PXMP4: variants seen among roughly 807,000 people sequenced by gnomAD.
PXMP4 encodes 24 kDa peroxisomal intrinsic membrane protein.
In PXMP4, 16 loss-of-function variants were observed where a neutral mutation model predicts 21.6. That is an observed-to-expected ratio of 0.74 (90% CI 0.50 to 1.13). PXMP4 has a LOEUF of 1.13. Among genes scored for constraint, PXMP4 ranks in the 50% most tolerant of loss-of-function variants. The pLI, the probability that PXMP4 is intolerant of heterozygous loss-of-function variation, is 0.00. For missense variants in PXMP4, 240 were observed against 277.7 expected (o/e 0.86, Z 0.96); for synonymous variants, 127 against 123.8 (o/e 1.03, Z -0.17).
rs1306253630 is a variant in PXMP4, at chr20:33,707,248, A to C, written c.*458T>G. On this transcript the variant is annotated 3_prime_UTR_variant, in exon 4 of 4. Coordinates refer to ENST00000409299, the MANE Select transcript of PXMP4 (RefSeq NM_007238.5). The stretch of plus-strand genomic sequence containing the variant: ...TATGGCTCACGTGTTTCTATTGGAC[A>C]GTGGGAATCTAGAACTTCTCCAGTA... 6.4e-6 allele frequency: 1 copy of C among 157,404 alleles called. No individual in the cohort carries two copies. Among genetic ancestry groups the C allele is most frequent in the African/African-American group, 2.4e-5 (1 of 41,552 alleles). The allele number at this position is 157,404 out of a possible 1,614,324, so 9.8% of individuals were successfully genotyped here.
chr20:33,714,595 A>C, intron 2 of PXMP4, 79 bp downstream of exon 2: 28 of 1,384,226 alleles, frequency 2.0e-5, no homozygotes, highest in Non-Finnish European at 2.6e-5. Context: ...GGGACAGGGT[A>C]GACCCAGCTA....
At position 33,720,136 on chromosome 20, in the gene PXMP4, G is replaced by A. The variant is rs902539264; in HGVS notation, c.72C>T (p.His24=). The stretch of plus-strand genomic sequence containing the variant: ...AGCCCTTAAGCACGGCCAACGCAGC[G>A]TGGTAGCGGCGCTTGCGCAGCAGTG... ...VNALLRKRRY[H]AALAVLKGFR... Residue 24 remains histidine, a synonymous_variant, in exon 1 of 4, where the codon CAC becomes CAT. Transcript: ENST00000409299. 1.2e-6 allele frequency: 2 copies of A among 1,613,564 alleles called. No individual in the cohort carries two copies. Among genetic ancestry groups the A allele is most frequent in the African/African-American group, 1.3e-5 (1 of 74,948 alleles).
chr20:33,715,461 G>A (rs1439617019), intron 1 of PXMP4, among the ~76,000 whole-genome samples: 1 of 151,432 alleles, frequency 6.6e-6, no homozygotes, highest in Non-Finnish European at 1.5e-5. Flanking sequence ...GTCTCTCTCT[G>A]TAGCCCAGGC....
rs765611997 is a variant in PXMP4 at position 33,720,213 on chromosome 20, G to A, written c.-6C>T. ...AGCTGCGGCGGGGCTGCCATAGTGC[G>A]GGCTGCGCGCAGGGTCGGGGTTAGG... On this transcript the variant is annotated 5_prime_UTR_variant, in exon 1 of 4. Coordinates refer to ENST00000409299, the MANE Select transcript of PXMP4 (RefSeq NM_007238.5). 2.5e-6 allele frequency: 4 copies of A among 1,606,874 alleles called. No individual in the cohort carries two copies. In the Admixed American group the frequency reaches 5.0e-5, roughly 20 times the overall value.
chr20:33,720,178 C>CAGAG lies in PXMP4; in HGVS notation c.26_29dup (p.Leu11SerfsTer22), dbSNP rs1555867006. On this transcript the variant is annotated frameshift_variant, in exon 1 of 4. Coordinates refer to ENST00000409299, the MANE Select transcript of PXMP4 (RefSeq NM_007238.5). LOFTEE classifies it high-confidence loss of function. Reference sequence around the variant, plus strand: ...GCAGCAGTGCGTTGACGACTACGAGCAGAGCCCTTAGCTGCGGCGGGGCTG... The same window carrying CAGAG: ...GCAGCAGTGCGTTGACGACTACGAGCAGAGAGAGCCCTTAGCTGCGGCGGGGCTG... 3 of 1,613,232 alleles carry CAGAG rather than the reference C, an allele frequency of 1.9e-6. No individual in the cohort carries two copies. The highest frequency in any genetic ancestry group is 1.7e-6 in the Non-Finnish European group (2 of 1,179,838).
At position 33,706,190 on chromosome 20, in the gene PXMP4, T is replaced by A. The variant is rs1205088599; in HGVS notation, c.*1516A>T. 2.0e-5 allele frequency: 3 copies of A among 152,006 alleles called. No individual in the cohort carries two copies. Among genetic ancestry groups the A allele is most frequent in the Non-Finnish European group, 2.9e-5 (2 of 68,030 alleles). 9.4% of individuals were successfully genotyped at this position (152,006 alleles called of 1,614,324 possible). The stretch of plus-strand genomic sequence containing the variant: ...ATCTGCCTGCCTCAGCCTCCCAAAG[T>A]GCTGGGATTACAGGCGTGAGCCACT... On this transcript the variant is annotated 3_prime_UTR_variant, in exon 4 of 4. Transcript: ENST00000409299.
intron 1 of PXMP4, among the ~76,000 whole-genome samples, chr20:33,717,645 A>G (rs2018397564): frequency 6.8e-6 from 1 of 146,764 alleles, no homozygotes; most frequent in Non-Finnish European, 1.5e-5. Flanking sequence ...GTCTCAAAAA[A>G]AAAAAAAAAA....
rs184368592 is a variant in PXMP4, at chr20:33,703,387, T to C, written c.*4319A>G. ...AACGCCTACTTTATCAATGAGGAAA[T>C]AGAGGCACAGAATGGCTCAGTCACT... On this transcript the variant is annotated 3_prime_UTR_variant, in exon 4 of 4. Transcript: ENST00000409299. 6.6e-6 allele frequency: 1 copy of C among 152,366 alleles called. No homozygotes were observed. Among genetic ancestry groups the C allele is most frequent in the Non-Finnish European group, 1.5e-5 (1 of 68,044 alleles). 9.4% of individuals were successfully genotyped at this position (152,366 alleles called of 1,614,324 possible).
chr20:33,717,703 C>G (rs1204325753), intron 1 of PXMP4, among the ~76,000 whole-genome samples: 1 of 150,136 alleles, frequency 6.7e-6, no homozygotes. Context: ...ATAATTGCCT[C>G]TTTTTAAGAT....
At position 33,720,084 on chromosome 20, in the gene PXMP4, G is replaced by T. The variant is rs779201566; in HGVS notation, c.113+11C>A. The T allele has an allele frequency of 2.5e-6, 4 of 1,612,136 alleles. No homozygotes were observed. Among genetic ancestry groups the T allele is most frequent in the Non-Finnish European group, 3.4e-6 (4 of 1,178,716 alleles). Reference sequence around the variant, plus strand: ...CCCTCAGCCCCAGCCCGGCCCGACGGCCCCACTCACACAGCCCCGTTCCGG... The same window carrying T: ...CCCTCAGCCCCAGCCCGGCCCGACGTCCCCACTCACACAGCCCCGTTCCGG... On this transcript the variant is annotated intron_variant, in intron 1 of 3. Coordinates refer to ENST00000409299, the MANE Select transcript of PXMP4 (RefSeq NM_007238.5).
rs869175381 is a variant in PXMP4 at position 33,704,990 on chromosome 20, G to GTTTTTT, written c.*2710_*2715dup. 85 of 105,388 alleles carry GTTTTTT rather than the reference G, an allele frequency of 8.1e-4. No individual in the cohort carries two copies. The highest frequency in any genetic ancestry group is 9.7e-4 in the African/African-American group (24 of 24,746). 6.5% of individuals were successfully genotyped at this position (105,388 alleles called of 1,614,324 possible). A position where few individuals can be genotyped will look rare whatever the true frequency, so the allele number is the denominator to read the frequency against. ...ACTTGTTTGATTTGTCCAGGATTGT[G>GTTTTTT]TTTTTTTTTTTTTTTTTTTTTTTGA... On this transcript the variant is annotated 3_prime_UTR_variant, in exon 4 of 4. Transcript: ENST00000409299.
At chr20:33,708,198 T>C (rs1318406092) in intron 3 of PXMP4, among the ~76,000 whole-genome samples, 2 of 151,552 alleles carry the variant, frequency 1.3e-5, no homozygotes, top group African/African-American at 2.4e-5. Flanking sequence ...TTTTTTTTTT[T>C]CTGAGACAGA....
At chr20:33,716,815 T>G (rs189714901) in intron 1 of PXMP4, among the ~76,000 whole-genome samples, 112 of 152,312 alleles carry the variant, frequency 7.4e-4, no homozygotes, top group Non-Finnish European at 1.2e-3. Flanking sequence ...AGTTAACAGA[T>G]TCCCTAAAAC....
chr20:33,710,895 TC>T, intron 2 of PXMP4, 142 bp from the exon 3 acceptor site: 2 of 805,240 alleles, frequency 2.5e-6, no homozygotes, highest in South Asian at 3.9e-5. Flanking sequence ...TCATGTTCTC[TC>T]CCTTGATTCA....
In PXMP4 at chr20:33,703,899, T is replaced by A. The variant is rs1032036337; in HGVS notation, c.*3807A>T. The A allele has an allele frequency of 1.3e-5, 2 of 152,214 alleles. No individual in the cohort carries two copies. Among genetic ancestry groups the A allele is most frequent in the African/African-American group, 4.8e-5 (2 of 41,420 alleles). 9.4% of individuals were successfully genotyped at this position (152,214 alleles called of 1,614,324 possible). A position where few individuals can be genotyped will look rare whatever the true frequency, so the allele number is the denominator to read the frequency against. On this transcript the variant is annotated 3_prime_UTR_variant, in exon 4 of 4. Transcript: ENST00000409299. ...GGCGGCCACTGGCAAAGCTGGCTAG[T>A]GTGCACCAGAGTCGTTATTTAGAGG...
In PXMP4 at chr20:33,704,702, A is replaced by G. The variant is rs1229465286; in HGVS notation, c.*3004T>C. The G allele has an allele frequency of 1.3e-5, 2 of 152,214 alleles. No individual in the cohort carries two copies. Among genetic ancestry groups the G allele is most frequent in the Admixed American group, 6.5e-5 (1 of 15,272 alleles). The allele number at this position is 152,214 out of a possible 1,614,324, so 9.4% of individuals were successfully genotyped here. A position where few individuals can be genotyped will look rare whatever the true frequency, so the allele number is the denominator to read the frequency against. On this transcript the variant is annotated 3_prime_UTR_variant, in exon 4 of 4. Transcript: ENST00000409299. ...AGATGGGATAATAATGGACGGCTCC[A>G]TATCATTCCCCACCCCCTTGTTACT...
intron 2 of PXMP4, among the ~76,000 whole-genome samples, chr20:33,712,906 G>A (rs1326416946): frequency 6.6e-6 from 1 of 152,216 alleles, no homozygotes; most frequent in Non-Finnish European, 1.5e-5. Flanking sequence ...TGGGATTACA[G>A]GCATGAGCCA....
At position 33,720,238 on chromosome 20, in the gene PXMP4, G is replaced by A. The variant is rs1845675761; in HGVS notation, c.-31C>T. On this transcript the variant is annotated 5_prime_UTR_variant, in exon 1 of 4. Coordinates refer to ENST00000409299, the MANE Select transcript of PXMP4 (RefSeq NM_007238.5). ...GGGCTGCGCGCAGGGTCGGGGTTAG[G>A]AACTGTAAGCGCACTGACAGCCGGA... The A allele has an allele frequency of 3.2e-6, 5 of 1,579,598 alleles. No individual in the cohort carries two copies. In the Admixed American group the frequency reaches 7.1e-5, roughly 22 times the overall value.
rs547433226 is a variant in PXMP4 at position 33,710,699 on chromosome 20, G to T, written c.231C>A (p.Asn77Lys). The change falls in exon 3 of 4, where the codon AAC (asparagine) becomes AAA (lysine). Residue 77 changes from asparagine (N) to lysine (K), a missense_variant. Physicochemically the swap from Asn to Lys is moderately conservative, Grantham distance 94 (BLOSUM62 0). Transcript: ENST00000409299. ...ILQATYIHSW[N>K]LARFVFTYKG... is the part of the protein sequence containing the mutation. Reference sequence around the variant, plus strand: ...TGTAGGTGAACACAAACCGTGCCAGGTTCCAGGAGTGGATATATGTGGCCT... The same window carrying T: ...TGTAGGTGAACACAAACCGTGCCAGTTTCCAGGAGTGGATATATGTGGCCT... 1.2e-6 allele frequency: 2 copies of T among 1,613,682 alleles called. No individual in the cohort carries two copies. Among genetic ancestry groups the T allele is most frequent in the Non-Finnish European group, 1.7e-6 (2 of 1,179,874 alleles).
Sources: allele counts gnomAD v4.1 joint callset (sites outside exome capture counted in the v4.1 genomes callset), GRCh38; gene constraint gnomAD v4.1.1; transcripts MANE v1.5; gene names NCBI Gene and HGNC (gene_info 2026-07-23, HGNC 2026-07-21).